Variants in PDE1A observed in about 807,000 individuals in gnomAD.
PDE1A encodes dual specificity calcium/calmodulin-dependent 3',5'-cyclic nucleotide phosphodiesterase 1A.
Under a neutral mutation model 61.7 loss-of-function variants are expected in PDE1A, and 35 were observed. The observed-to-expected ratio is 0.57, with a 90% confidence interval of 0.43 to 0.75. The LOEUF (loss-of-function observed/expected upper bound fraction) is 0.75. Ranked by LOEUF, PDE1A falls within the 30% of genes least tolerant of loss-of-function variation. PDE1A has a pLI of 0.00. For missense variants in PDE1A, 597 were observed against 630.6 expected (o/e 0.95, Z 0.57); for synonymous variants, 232 against 213.2 (o/e 1.09, Z -0.77).
At chr2:182,295,323 C>T (rs1694814051) in intron 1 of PDE1A, among the ~76,000 whole-genome samples, 1 of 151,936 alleles carries the variant, frequency 6.6e-6, no homozygotes, top group Admixed American at 6.6e-5. Context: ...ATCCACCCGC[C>T]TCGGCCTCCC....
chr2:182,500,786 T>A (rs1689039453), intron 2 of PDE1A, among the ~76,000 whole-genome samples: 1 of 152,212 alleles, frequency 6.6e-6, no homozygotes, highest in Admixed American at 6.5e-5. Flanking sequence ...ATGGCAGTCT[T>A]ACAACTGTTT....
At chr2:182,650,509 C>T in the PDE1A span, among the ~76,000 whole-genome samples, 1 of 152,100 alleles carries the variant, frequency 6.6e-6, no homozygotes, top group Non-Finnish European at 1.5e-5. Context: ...ATTTCATGTG[C>T]ATGGAAATAG....
chr2:182,490,536 A>C (rs1688316645), intron 2 of PDE1A, among the ~76,000 whole-genome samples: 1 of 151,798 alleles, frequency 6.6e-6, no homozygotes. Flanking sequence ...CGCCCAGCTA[A>C]TTTTGTTTTT....
At chr2:182,470,806 A>C (rs569761922) in intron 2 of PDE1A, among the ~76,000 whole-genome samples, 3 of 151,956 alleles carry the variant, frequency 2.0e-5, no homozygotes, top group South Asian at 4.1e-4. Context: ...ACTGTGTTAC[A>C]GAACACTTAG....
chr2:182,459,843 G>A (rs530963216), intron 2 of PDE1A, among the ~76,000 whole-genome samples: 2 of 152,280 alleles, frequency 1.3e-5, no homozygotes, highest in South Asian at 4.1e-4. Flanking sequence ...AAAACGCTGA[G>A]ATTCTAGAGA....
intron 7 of PDE1A, among the ~76,000 whole-genome samples, chr2:182,211,588 T>G (rs1687605917): frequency 6.6e-6 from 1 of 152,200 alleles, no homozygotes; most frequent in South Asian, 2.1e-4. Context: ...TTGGATTATA[T>G]CTATAGATGA....
intron 1 of PDE1A, among the ~76,000 whole-genome samples, chr2:182,355,239 T>G (rs945614545): frequency 6.6e-6 from 1 of 151,970 alleles, no homozygotes; most frequent in African/African-American, 2.4e-5. Context: ...ATATGGCCAC[T>G]CTTACCATTA....
chr2:182,646,978 T>C, the PDE1A span, among the ~76,000 whole-genome samples: 1 of 152,222 alleles, frequency 6.6e-6, no homozygotes, highest in African/African-American at 2.4e-5. Flanking sequence ...GATAATTGGA[T>C]TCCAGTTCTT....
intron 2 of PDE1A, among the ~76,000 whole-genome samples, chr2:182,505,232 A>G (rs939453415): frequency 2.0e-5 from 3 of 152,228 alleles, no homozygotes; most frequent in Non-Finnish European, 4.4e-5. Flanking sequence ...CAGAAATTTC[A>G]GTTTTCCTGG....
intron 2 of PDE1A, among the ~76,000 whole-genome samples, chr2:182,258,184 G>GA (rs1266745769): frequency 1.3e-5 from 2 of 151,242 alleles, no homozygotes; most frequent in Non-Finnish European, 3.0e-5. Context: ...AAAAAGAAAA[G>GA]AAAAAAAGAA....
the PDE1A span, among the ~76,000 whole-genome samples, chr2:182,684,921 C>G: frequency 6.6e-6 from 1 of 151,874 alleles, no homozygotes. Context: ...ATGACACATT[C>G]ATACATTCCC....
chr2:182,201,873 T>C, intron 8 of PDE1A, 84 bp from the exon 9 acceptor site: 3 of 820,570 alleles, frequency 3.7e-6, no homozygotes, highest in South Asian at 3.3e-5. Flanking sequence ...TCACTCACCA[T>C]GTTTTATAGT....
the PDE1A span, among the ~76,000 whole-genome samples, chr2:182,614,049 C>G: frequency 6.6e-6 from 1 of 152,142 alleles, no homozygotes; most frequent in Non-Finnish European, 1.5e-5. Flanking sequence ...GTGCAGTGCC[C>G]AAAAGGCAAG....
chr2:182,569,225 C>A, the PDE1A span, among the ~76,000 whole-genome samples: 2 of 142,184 alleles, frequency 1.4e-5, no homozygotes, highest in African/African-American at 2.7e-5. Flanking sequence ...TGCACTTCAG[C>A]CTGAGTGACA....
chr2:182,316,694 A>C (rs1166478169), intron 1 of PDE1A, among the ~76,000 whole-genome samples: 3 of 152,192 alleles, frequency 2.0e-5, no homozygotes, highest in Admixed American at 1.3e-4. Context: ...ACTGCATGAC[A>C]ATAAATATTG....
intron 8 of PDE1A, among the ~76,000 whole-genome samples, chr2:182,203,314 C>T (rs997868311): frequency 2.1e-5 from 3 of 144,672 alleles, no homozygotes; most frequent in Non-Finnish European, 3.0e-5. Context: ...AGCAAGACTC[C>T]GTCTGAAAAA....
chr2:182,523,320 G>A (rs1690667269), upstream of PDE1A: 1 of 152,044 alleles, frequency 6.6e-6, no homozygotes. Flanking sequence ...AGGGAGAGAG[G>A]GACAAGAGAG....
intron 2 of PDE1A, among the ~76,000 whole-genome samples, chr2:182,246,353 T>C (rs1559247115): frequency 6.6e-6 from 1 of 151,986 alleles, no homozygotes; most frequent in Non-Finnish European, 1.5e-5. Flanking sequence ...TAAGCATTTT[T>C]CATTTTTATT....
At chr2:182,459,672 TGAA>T (rs1686150137) in intron 2 of PDE1A, among the ~76,000 whole-genome samples, 1 of 152,076 alleles carries the variant, frequency 6.6e-6, no homozygotes, top group South Asian at 2.1e-4. Flanking sequence ...TGCCAGGAAG[TGAA>T]GAAGGAGAGG....
Sources: gnomAD v4.1 joint callset for allele counts (sites outside exome capture counted in the v4.1 genomes callset) on GRCh38, gnomAD v4.1.1 for gene constraint, MANE v1.5 for transcripts, NCBI Gene and HGNC (gene_info 2026-07-23, HGNC 2026-07-21) for gene names.